Variants in DISP1 observed in about 807,000 individuals in gnomAD.
The protein encoded by DISP1 is protein dispatched homolog 1.
DISP1 carries 30 observed loss-of-function variants against 37.3 expected under a neutral mutation model. The ratio of observed to expected loss-of-function variants is 0.80; its 90% CI spans 0.60 to 1.09. DISP1 has a LOEUF of 1.09. DISP1 is among the 50% of genes least tolerant of loss of function. The pLI is 0.00. For synonymous variants in DISP1, 634 were observed against 690.2 expected, an observed-to-expected ratio of 0.92 and a Z score of 1.28; for missense variants, 1,598 against 1,879.5, an observed-to-expected ratio of 0.85 and a Z score of 2.77.
intron 1 of DISP1, among the ~76,000 whole-genome samples, chr1:222,841,826 T>C (rs1357860670): frequency 1.3e-5 from 2 of 152,184 alleles, no homozygotes; most frequent in Non-Finnish European, 2.9e-5. Context: ...TGATGGAATA[T>C]GTATGTGTGA....
At chr1:222,828,279 C>T (rs1347008979) in intron 1 of DISP1, among the ~76,000 whole-genome samples, 1 of 152,060 alleles carries the variant, frequency 6.6e-6, no homozygotes, top group African/African-American at 2.4e-5. Context: ...TTTTTTATTC[C>T]ATTTTCCCCC....
chr1:222,816,097 ATATAT>A (rs1661169849), intron 1 of DISP1, among the ~76,000 whole-genome samples: 4 of 147,188 alleles, frequency 2.7e-5, no homozygotes, highest in Non-Finnish European at 3.0e-5. Flanking sequence ...ATATATATAT[ATATAT>A]AAATATTTGC....
At chr1:222,967,747 A>G (rs1233703185) in intron 3 of DISP1, among the ~76,000 whole-genome samples, 2 of 152,156 alleles carry the variant, frequency 1.3e-5, no homozygotes, top group African/African-American at 4.8e-5. Flanking sequence ...TGTAAGAAAG[A>G]TCTATATGCA....
chr1:222,947,189 G>A (rs1025179515), intron 3 of DISP1, among the ~76,000 whole-genome samples: 3 of 151,980 alleles, frequency 2.0e-5, no homozygotes, highest in East Asian at 1.9e-4. Context: ...CCTGCCCCTG[G>A]AAACCACTAT....
chr1:222,948,892 C>T (rs1674988658), intron 3 of DISP1, among the ~76,000 whole-genome samples: 1 of 152,084 alleles, frequency 6.6e-6, no homozygotes, highest in Admixed American at 6.5e-5. Context: ...TTATAAAGCA[C>T]TTAAGCCATA....
intron 3 of DISP1, among the ~76,000 whole-genome samples, chr1:222,954,028 G>T (rs544688659): frequency 6.6e-6 from 1 of 151,716 alleles, no homozygotes; most frequent in South Asian, 2.1e-4. Context: ...TAGTTATTTA[G>T]CAGATACTGG....
chr1:222,909,436 G>GT (rs1672089582), intron 1 of DISP1, among the ~76,000 whole-genome samples: 4 of 152,164 alleles, frequency 2.6e-5, no homozygotes, highest in Admixed American at 1.3e-4. Flanking sequence ...GTTTATGAAT[G>GT]TGTTATTTCT....
At chr1:222,906,316 G>C (rs925174270) in intron 1 of DISP1, among the ~76,000 whole-genome samples, 5 of 152,086 alleles carry the variant, frequency 3.3e-5, no homozygotes, top group Non-Finnish European at 7.4e-5. Context: ...ATGTGCTTTG[G>C]GGGAACTTTT....
At chr1:222,874,483 T>G (rs1361587542) in intron 1 of DISP1, among the ~76,000 whole-genome samples, 1 of 152,176 alleles carries the variant, frequency 6.6e-6, no homozygotes, top group Admixed American at 6.5e-5. Context: ...TCTCTAAACT[T>G]CTCTTCACAC....
intron 3 of DISP1, among the ~76,000 whole-genome samples, chr1:222,974,434 T>C (rs4846783): frequency 0.6 from 91,508 of 152,192 alleles, 28,973 homozygotes; most frequent in East Asian, 0.74. Context: ...CTCAAAATAG[T>C]TATTCAATAT....
chr1:222,823,490 C>T (rs1481120499), intron 1 of DISP1, among the ~76,000 whole-genome samples: 1 of 151,914 alleles, frequency 6.6e-6, no homozygotes, highest in East Asian at 1.9e-4. Context: ...CACATGGAAG[C>T]AGAATGTAGA....
At chr1:222,966,236 G>A (rs545336303) in intron 3 of DISP1, among the ~76,000 whole-genome samples, 8 of 152,196 alleles carry the variant, frequency 5.3e-5, no homozygotes, top group Admixed American at 1.3e-4. Flanking sequence ...AACTTGGAAA[G>A]AAACTAAAAT....
chr1:222,992,920 G>A (rs1002844450), intron 7 of DISP1, among the ~76,000 whole-genome samples: 11 of 147,800 alleles, frequency 7.4e-5, no homozygotes, highest in African/African-American at 2.5e-4. Flanking sequence ...GGAGTACAAT[G>A]GCGCAATCTT....
intron 1 of DISP1, among the ~76,000 whole-genome samples, chr1:222,862,696 G>C (rs34840460): frequency 0.28 from 43,115 of 151,748 alleles, 6,573 homozygotes; most frequent in African/African-American, 0.38. Context: ...CCACGCTTGG[G>C]TCATTTTTAA....
chr1:222,953,984 A>G (rs1410819842), intron 3 of DISP1, among the ~76,000 whole-genome samples: 1 of 152,164 alleles, frequency 6.6e-6, no homozygotes, highest in Non-Finnish European at 1.5e-5. Flanking sequence ...AGAATGAAGC[A>G]AGTATATTCT....
intron 1 of DISP1, among the ~76,000 whole-genome samples, chr1:222,867,031 T>C (rs1669231526): frequency 6.6e-6 from 1 of 152,236 alleles, no homozygotes; most frequent in Admixed American, 6.5e-5. Flanking sequence ...TGTTTCTTTT[T>C]CAAAATTGTA....
At chr1:222,942,370 A>AATTATT (rs1385986045) in intron 2 of DISP1, among the ~76,000 whole-genome samples, 4 of 152,188 alleles carry the variant, frequency 2.6e-5, no homozygotes, top group Admixed American at 2.0e-4. Flanking sequence ...TGTACAATGA[A>AATTATT]TTACCCTCAG....
chr1:222,890,455 G>A (rs539460811), intron 1 of DISP1, among the ~76,000 whole-genome samples: 17 of 152,122 alleles, frequency 1.1e-4, no homozygotes, highest in Non-Finnish European at 2.5e-4. Context: ...GATAATTTTA[G>A]TATAATTAAT....
chr1:222,819,537 T>C lies in DISP1; in HGVS notation c.-159+4459T>C, dbSNP rs568004528. Among the ~76,000 whole-genome samples, 20 of 120,886 alleles carry C rather than the reference T, an allele frequency of 1.7e-4. No individual in the cohort carries two copies. The South Asian group carries it at 4.2e-3, about 26-fold the overall frequency. The allele number at this position is 120,886 out of a possible 152,430, so 79.3% of individuals were successfully genotyped here. A position where few individuals can be genotyped will look rare whatever the true frequency, so the allele number is the denominator to read the frequency against. The stretch of plus-strand genomic sequence containing the variant: ...ACATACACACACACACACACACATA[T>C]CTTTTTTTTTTTTTTTTTTTGACAC... On this transcript the variant is annotated intron_variant, in intron 1 of 8. Coordinates refer to ENST00000675850, the MANE Select transcript of DISP1 (RefSeq NM_001377229.1).
Sources: allele counts gnomAD v4.1 joint callset (sites outside exome capture counted in the v4.1 genomes callset), GRCh38; gene constraint gnomAD v4.1.1; transcripts MANE v1.5; gene names NCBI Gene and HGNC (gene_info 2026-07-23, HGNC 2026-07-21).